Variants in PPM1E observed in about 807,000 individuals in gnomAD.
PPM1E encodes the protein protein phosphatase, Mg2+/Mn2+ dependent 1E, also known as protein phosphatase 1E.
PPM1E carries 20 observed loss-of-function variants against 65.9 expected under a neutral mutation model. That is an observed-to-expected ratio of 0.30 (90% confidence interval 0.21 to 0.44). The LOEUF (loss-of-function observed/expected upper bound fraction) is 0.44, where lower values mean the gene tolerates loss of function less well. Ranked by LOEUF, PPM1E falls within the 20% of genes least tolerant of loss-of-function variation. The pLI, the probability that PPM1E is intolerant of heterozygous loss-of-function variation, is 1.00. For missense variants in PPM1E, 713 were observed against 953.1 expected (o/e 0.75, Z 3.32); for synonymous variants, 352 against 374.9 (o/e 0.94, Z 0.70).
intron 1 of PPM1E, among the ~76,000 whole-genome samples, chr17:58,933,067 A>G (rs149300845): frequency 3.0e-4 from 46 of 152,302 alleles, no homozygotes; most frequent in African/African-American, 1.0e-3. Flanking sequence ...GCTGTACCCT[A>G]TAGCCTACGT....
chr17:58,959,003 T>A (rs756992052), intron 2 of PPM1E, among the ~76,000 whole-genome samples: 2 of 151,970 alleles, frequency 1.3e-5, no homozygotes, highest in South Asian at 4.1e-4. Context: ...GAGTCTTAGT[T>A]GTCAACATAA....
At chr17:58,936,800 A>G (rs1860082170) in intron 1 of PPM1E, among the ~76,000 whole-genome samples, 1 of 152,250 alleles carries the variant, frequency 6.6e-6, no homozygotes, top group Admixed American at 6.5e-5. Flanking sequence ...ATGGTATTTG[A>G]AAATGAATGC....
chr17:58,947,484 A>C (rs1598669215), intron 1 of PPM1E, among the ~76,000 whole-genome samples: 1 of 144,934 alleles, frequency 6.9e-6, no homozygotes, highest in Non-Finnish European at 1.5e-5. Flanking sequence ...TGATCCACCC[A>C]CCTTGGCCTC....
intron 1 of PPM1E, among the ~76,000 whole-genome samples, chr17:58,948,790 T>C (rs1291683187): frequency 6.6e-6 from 1 of 152,184 alleles, no homozygotes; most frequent in Non-Finnish European, 1.5e-5. Context: ...TTTAGGAGCA[T>C]GTTGTGTAAT....
At chr17:58,756,551 CT>C in intron 1 of PPM1E, 90 bp downstream of exon 1, 1 of 1,224,462 alleles carries the variant, frequency 8.2e-7, no homozygotes, top group African/African-American at 1.6e-5. Flanking sequence ...AAACTGCTCT[CT>C]TTTCTGCTCC....
At chr17:58,926,796 TATCTAC>T (rs1338692843) in intron 1 of PPM1E, among the ~76,000 whole-genome samples, 1 of 152,204 alleles carries the variant, frequency 6.6e-6, no homozygotes, top group Non-Finnish European at 1.5e-5. Context: ...ACTGCAGCAG[TATCTAC>T]AACTTCAGAT....
chr17:58,876,754 A>G (rs183759000), intron 1 of PPM1E, among the ~76,000 whole-genome samples: 1 of 152,198 alleles, frequency 6.6e-6, no homozygotes, highest in Non-Finnish European at 1.5e-5. Flanking sequence ...GGCTGTAAAA[A>G]ATATACCTGT....
intron 1 of PPM1E, chr17:58,951,229 G>C (rs1198836398): frequency 6.6e-6 from 1 of 152,242 alleles, no homozygotes; most frequent in Non-Finnish European, 1.5e-5. Flanking sequence ...TCCTTGGGAG[G>C]CTGCAGCAGG....
rs1356578950 is a variant in PPM1E, at chr17:58,852,601, GTTTTTTTTTGT to G, written c.464+96150_464+96160del. 1.4e-4 allele frequency among the ~76,000 whole-genome samples: 19 copies of G among 133,662 alleles called. No individual in the cohort carries two copies. The East Asian group carries it at 4.4e-3, about 31-fold the overall frequency. 87.7% of individuals were successfully genotyped at this position (133,662 alleles called of 152,430 possible). A position where few individuals can be genotyped will look rare whatever the true frequency, so the allele number is the denominator to read the frequency against. On this transcript the variant is annotated intron_variant, in intron 1 of 6. Coordinates refer to ENST00000308249, the MANE Select transcript of PPM1E (RefSeq NM_014906.5). ...GACCATTTATGTATCTTCTTTTTTTGTTTTTTTTTGTTTTTTTTTTTGAGATGGAGTCTCAC... is the reference window on the plus strand; with the variant it reads ...GACCATTTATGTATCTTCTTTTTTTGTTTTTTTTTTGAGATGGAGTCTCAC...
intron 1 of PPM1E, among the ~76,000 whole-genome samples, chr17:58,924,741 C>T (rs2051802755): frequency 6.7e-6 from 1 of 148,978 alleles, no homozygotes; most frequent in Admixed American, 6.8e-5. Context: ...CCCCACCCCC[C>T]AACTGGCCCC....
intron 1 of PPM1E, among the ~76,000 whole-genome samples, chr17:58,944,532 C>T (rs1203796530): frequency 1.3e-5 from 2 of 152,092 alleles, no homozygotes; most frequent in East Asian, 1.9e-4. Flanking sequence ...CTCTCTGCTT[C>T]TATAAATTTC....
intron 1 of PPM1E, among the ~76,000 whole-genome samples, chr17:58,952,406 T>G (rs2052251881): frequency 6.6e-6 from 1 of 152,146 alleles, no homozygotes; most frequent in Admixed American, 6.5e-5. Context: ...TTGGCCAGCA[T>G]GGGGTCATAT....
intron 1 of PPM1E, among the ~76,000 whole-genome samples, chr17:58,905,702 A>G (rs2051550540): frequency 6.6e-6 from 1 of 152,046 alleles, no homozygotes; most frequent in Admixed American, 6.6e-5. Context: ...GTTGGGCATT[A>G]AAGTAATGGT....
intron 6 of PPM1E, among the ~76,000 whole-genome samples, chr17:58,974,055 G>A (rs2030839664): frequency 6.6e-6 from 1 of 151,940 alleles, no homozygotes; most frequent in Non-Finnish European, 1.5e-5. Flanking sequence ...TTGAGTCCAG[G>A]AGTTTGAGGC....
intron 6 of PPM1E, among the ~76,000 whole-genome samples, chr17:58,975,713 G>A (rs2030955174): frequency 6.6e-6 from 1 of 152,140 alleles, no homozygotes; most frequent in Non-Finnish European, 1.5e-5. Context: ...GATTGCAAAG[G>A]GCCTTATGTG....
At chr17:58,870,269 G>T (rs1034814235) in intron 1 of PPM1E, among the ~76,000 whole-genome samples, 16 of 152,140 alleles carry the variant, frequency 1.1e-4, no homozygotes, top group African/African-American at 3.6e-4. Context: ...CTCTTTCAAA[G>T]AAATGGCTTT....
chr17:58,902,976 T>C (rs2051515254), intron 1 of PPM1E, among the ~76,000 whole-genome samples: 1 of 152,174 alleles, frequency 6.6e-6, no homozygotes, highest in Non-Finnish European at 1.5e-5. Flanking sequence ...TAGATTCATA[T>C]CAGTCATTAT....
intron 1 of PPM1E, among the ~76,000 whole-genome samples, chr17:58,842,751 C>T (rs2050732358): frequency 6.6e-6 from 1 of 151,944 alleles, no homozygotes; most frequent in South Asian, 2.1e-4. Context: ...ACAGCCTGAT[C>T]AACATGGTGA....
chr17:58,786,350 C>T (rs1015054205), intron 1 of PPM1E, among the ~76,000 whole-genome samples: 1 of 152,138 alleles, frequency 6.6e-6, no homozygotes, highest in East Asian at 1.9e-4. Flanking sequence ...TATGGCTTCT[C>T]TTTAGCATAT....
Sources: gnomAD v4.1 joint callset for allele counts (sites outside exome capture counted in the v4.1 genomes callset) on GRCh38, gnomAD v4.1.1 for gene constraint, MANE v1.5 for transcripts, NCBI Gene and HGNC (gene_info 2026-07-23, HGNC 2026-07-21) for gene names.